The following FAM20B variants were observed in gnomAD, a reference collection of about 807,000 sequenced individuals.
The protein encoded by FAM20B is FAM20B glycosaminoglycan xylosylkinase, also known as glycosaminoglycan xylosylkinase.
In FAM20B, 23 loss-of-function variants were observed where a neutral mutation model predicts 43.8. The observed-to-expected ratio is 0.53, with a 90% CI of 0.38 to 0.74. The LOEUF is 0.74. FAM20B is among the 30% of genes least tolerant of loss of function. The pLI is 0.00. For synonymous variants in FAM20B, 178 were observed against 192.4 expected, an observed-to-expected ratio of 0.93 and a Z score of 0.62; for missense variants, 440 against 510.5, an observed-to-expected ratio of 0.86 and a Z score of 1.33.
At chr1:179,050,794 C>G (rs769951774) in intron 3 of FAM20B, among the ~76,000 whole-genome samples, 1 of 152,088 alleles carries the variant, frequency 6.6e-6, no homozygotes, top group Admixed American at 6.6e-5. Flanking sequence ...ATTCTTTATA[C>G]AAACTATGCA....
intron 1 of FAM20B, among the ~76,000 whole-genome samples, chr1:179,034,469 A>G (rs1177885901): frequency 9.9e-5 from 15 of 152,002 alleles, no homozygotes; most frequent in Non-Finnish European, 1.5e-5. Context: ...TCCTGGGCTC[A>G]GGCAGTCCTT....
upstream of FAM20B, among the ~76,000 whole-genome samples, chr1:179,025,628 A>C (rs1377670067): frequency 6.6e-6 from 1 of 152,134 alleles, no homozygotes; most frequent in Admixed American, 6.5e-5. Context: ...AAAAAGAAAA[A>C]AGAGCGAAGG....
At chr1:179,056,080 A>G (rs1651204250) in intron 4 of FAM20B, among the ~76,000 whole-genome samples, 1 of 152,176 alleles carries the variant, frequency 6.6e-6, no homozygotes, top group Non-Finnish European at 1.5e-5. Context: ...CCCATTATCA[A>G]CATCTCACAT....
intron 1 of FAM20B, among the ~76,000 whole-genome samples, chr1:179,041,646 AC>A (rs1650542457): frequency 2.7e-5 from 4 of 146,106 alleles, no homozygotes; most frequent in African/African-American, 7.8e-5. Flanking sequence ...CCGTGGGGAG[AC>A]GGGAGACGGG....
chr1:179,048,413 C>T (rs1261721658), intron 2 of FAM20B, among the ~76,000 whole-genome samples: 2 of 152,188 alleles, frequency 1.3e-5, no homozygotes, highest in African/African-American at 4.8e-5. Context: ...CCTCTCCTGC[C>T]CACTCCCAAA....
At chr1:179,037,479 CTTTT>C (rs768903406) in intron 1 of FAM20B, among the ~76,000 whole-genome samples, 9 of 88,364 alleles carry the variant, frequency 1.0e-4, no homozygotes, top group Admixed American at 6.2e-4. Flanking sequence ...GTATGTCGGT[CTTTT>C]TTTTTTTTTT....
At chr1:179,040,508 C>A (rs1650449087) in intron 1 of FAM20B, among the ~76,000 whole-genome samples, 2 of 145,836 alleles carry the variant, frequency 1.4e-5, no homozygotes, top group Non-Finnish European at 3.0e-5. Context: ...CCACCTCCCT[C>A]CCGGACGGGG....
In FAM20B at chr1:179,075,988, T is replaced by G. The variant is rs1273582675; in HGVS notation, c.*3844T>G. The G allele has an allele frequency of 6.6e-6, 1 of 152,242 alleles. No individual in the cohort carries two copies. Among genetic ancestry groups the G allele is most frequent in the African/African-American group, 2.4e-5 (1 of 41,462 alleles). The allele number at this position is 152,242 out of a possible 1,614,324, so 9.4% of individuals were successfully genotyped here. On this transcript the variant is annotated 3_prime_UTR_variant, in exon 8 of 8. Transcript: ENST00000263733. ...TATATGTAATGTATATAGTCGTATA[T>G]GTATTCTAGCAAGAAAAACATATTT...
intron 2 of FAM20B, among the ~76,000 whole-genome samples, chr1:179,047,287 G>C (rs1440143951): frequency 6.6e-6 from 1 of 152,038 alleles, no homozygotes; most frequent in South Asian, 2.1e-4. Flanking sequence ...CCCTCCTCCA[G>C]ACCATCCTGG....
intron 1 of FAM20B, 53 bp from the exon 2 acceptor site, chr1:179,043,662 G>A (rs1028660707): frequency 1.8e-6 from 1 of 547,530 alleles, no homozygotes; most frequent in Non-Finnish European, 3.2e-6. Context: ...AAAGATTCAG[G>A]GGTGGAAGGA....
At chr1:179,055,072 G>A (rs1470050572) in intron 4 of FAM20B, among the ~76,000 whole-genome samples, 1 of 152,164 alleles carries the variant, frequency 6.6e-6, no homozygotes, top group Admixed American at 6.5e-5. Flanking sequence ...CTCTTTAGGA[G>A]GCTCAGAAAT....
chr1:179,046,437 C>T (rs981683606), intron 2 of FAM20B, among the ~76,000 whole-genome samples: 2 of 149,830 alleles, frequency 1.3e-5, no homozygotes, highest in Non-Finnish European at 3.0e-5. Flanking sequence ...GATCACTTGA[C>T]GTCAGGAGTT....
intron 7 of FAM20B, among the ~76,000 whole-genome samples, chr1:179,067,857 G>A (rs1184419455): frequency 1.3e-5 from 2 of 152,086 alleles, no homozygotes; most frequent in South Asian, 2.1e-4. Flanking sequence ...TCTGCCTTTC[G>A]GGTTTAAGCA....
At chr1:179,043,593 C>T (rs570066741) in intron 1 of FAM20B, 122 bp from the exon 2 acceptor site, 24 of 388,740 alleles carry the variant, frequency 6.2e-5, no homozygotes, top group Non-Finnish European at 5.5e-5. Flanking sequence ...AATTATTGAA[C>T]CTTCTTGAGC....
At chr1:179,069,152 C>G (rs1410572901) in intron 7 of FAM20B, among the ~76,000 whole-genome samples, 2 of 152,110 alleles carry the variant, frequency 1.3e-5, no homozygotes, top group African/African-American at 4.8e-5. Flanking sequence ...GCTAAGGCTT[C>G]AGGTCACCAA....
intron 4 of FAM20B, among the ~76,000 whole-genome samples, chr1:179,057,535 T>G (rs7517999): frequency 0.47 from 71,158 of 151,900 alleles, 17,127 homozygotes; most frequent in African/African-American, 0.55. Context: ...ATGCAATAAG[T>G]AGGTGAGGTG....
chr1:179,026,672 G>A (rs1340498267), intron 1 of FAM20B, among the ~76,000 whole-genome samples: 1 of 152,218 alleles, frequency 6.6e-6, no homozygotes, highest in Non-Finnish European at 1.5e-5. Flanking sequence ...CCTGCGCCGG[G>A]CGCTCGCAGA....
intron 1 of FAM20B, among the ~76,000 whole-genome samples, chr1:179,040,958 G>A (rs1313333110): frequency 1.4e-5 from 2 of 145,078 alleles, no homozygotes; most frequent in East Asian, 2.1e-4. Flanking sequence ...GGGCAGAGGC[G>A]CTCCTCACAT....
chr1:179,026,298 C>T (rs1489743973), intron 1 of FAM20B, among the ~76,000 whole-genome samples, 200 bp downstream of exon 1: 1 of 151,350 alleles, frequency 6.6e-6, no homozygotes, highest in Non-Finnish European at 1.5e-5. Flanking sequence ...GGGTCCCGGG[C>T]GAGGGCCCGA....
Sources: gnomAD v4.1 joint callset for allele counts (sites outside exome capture counted in the v4.1 genomes callset) on GRCh38, gnomAD v4.1.1 for gene constraint, MANE v1.5 for transcripts, NCBI Gene and HGNC (gene_info 2026-07-23, HGNC 2026-07-21) for gene names.